The following MYZAP variants were observed in gnomAD, a reference collection of about 807,000 sequenced individuals.
MYZAP encodes the protein GRINL1A complex locus upstream.
In MYZAP, 66 loss-of-function variants were observed where a neutral mutation model predicts 69.4. That is an observed-to-expected ratio of 0.95 (90% CI 0.78 to 1.17). The LOEUF (loss-of-function observed/expected upper bound fraction) is 1.17. MYZAP is among the 50% of genes most tolerant of loss of function. The pLI is 0.00. For missense variants in MYZAP, 611 were observed against 556.2 expected (o/e 1.10, Z -0.99); for synonymous variants, 256 against 205.9 (o/e 1.24, Z -2.09).
intron 3 of MYZAP, among the ~76,000 whole-genome samples, chr15:57,618,919 C>T (rs1223275520): frequency 6.6e-6 from 1 of 152,142 alleles, no homozygotes; most frequent in East Asian, 1.9e-4. Context: ...CATTACAGAC[C>T]AGTGGCTTAG....
rs897487545 is a variant in MYZAP at position 57,647,521 on chromosome 15, G to A, written c.1119+7976G>A. ...TAAAAAAGGAAATAATTAAGAGAAT[G>A]CAATGACCTTTAGAGAAAACAGGTC... is the stretch of plus-strand genomic sequence containing the variant. On this transcript the variant is annotated intron_variant, in intron 10 of 12. Transcript: ENST00000267853. The A allele has an allele frequency of 1.0e-5, 10 of 985,342 alleles. No individual in the cohort carries two copies. The African/African-American group carries it at 1.6e-4, about 15-fold the overall frequency. 61.0% of individuals were successfully genotyped at this position (985,342 alleles called of 1,614,324 possible). A position where few individuals can be genotyped will look rare whatever the true frequency, so the allele number is the denominator to read the frequency against.
chr15:57,612,641 T>G (rs1164575418), intron 2 of MYZAP, among the ~76,000 whole-genome samples: 5 of 152,348 alleles, frequency 3.3e-5, no homozygotes, highest in Admixed American at 6.5e-5. Context: ...ACAATATCAT[T>G]GGCCTTGTTA....
chr15:57,613,415 G>T (rs2934430), intron 2 of MYZAP, among the ~76,000 whole-genome samples: 1 of 151,964 alleles, frequency 6.6e-6, no homozygotes, highest in African/African-American at 2.4e-5. Flanking sequence ...CTGTCGCCCA[G>T]GCTGGAGTAT....
At chr15:57,623,294 T>C (rs1219724554) in intron 4 of MYZAP, among the ~76,000 whole-genome samples, 1 of 152,210 alleles carries the variant, frequency 6.6e-6, no homozygotes, top group African/African-American at 2.4e-5. Flanking sequence ...ATTACAGATG[T>C]TTAGATCCTT....
intron 11 of MYZAP, among the ~76,000 whole-genome samples, chr15:57,671,369 T>C (rs1383126483): frequency 6.6e-6 from 1 of 152,188 alleles, no homozygotes; most frequent in Non-Finnish European, 1.5e-5. Flanking sequence ...TGTGTTTCTC[T>C]TTGAATTTAT....
At chr15:57,607,391 C>T (rs2034822020) in intron 2 of MYZAP, among the ~76,000 whole-genome samples, 1 of 152,118 alleles carries the variant, frequency 6.6e-6, no homozygotes, top group South Asian at 2.1e-4. Flanking sequence ...CTGGAGTCAA[C>T]AAATTGTGTG....
At chr15:57,629,336 T>C (rs2036357173) in intron 5 of MYZAP, among the ~76,000 whole-genome samples, 1 of 152,226 alleles carries the variant, frequency 6.6e-6, no homozygotes, top group South Asian at 2.1e-4. Context: ...AATGGGATTA[T>C]ACTATACTTA....
intron 2 of MYZAP, among the ~76,000 whole-genome samples, chr15:57,615,678 G>A (rs1433721865): frequency 2.6e-5 from 4 of 152,106 alleles, no homozygotes; most frequent in Non-Finnish European, 4.4e-5. Flanking sequence ...CCTCTTCCTG[G>A]TTATATGTCC....
chr15:57,599,677 G>T, intron 1 of MYZAP: 1 of 1,289,190 alleles, frequency 7.8e-7, no homozygotes, highest in Non-Finnish European at 1.0e-6. Flanking sequence ...GGAGACCATG[G>T]AGATCAGCCT....
chr15:57,597,127 G>A (rs1002187494), intron 1 of MYZAP, among the ~76,000 whole-genome samples: 3 of 152,204 alleles, frequency 2.0e-5, no homozygotes, highest in South Asian at 2.1e-4. Flanking sequence ...GGAAACGGGT[G>A]ACAAATACAT....
chr15:57,671,475 T>C (rs1011289043), intron 11 of MYZAP, among the ~76,000 whole-genome samples: 19 of 152,158 alleles, frequency 1.2e-4, no homozygotes, highest in African/African-American at 4.6e-4. Context: ...AGTAATTTTC[T>C]GCTTTAGTTT....
rs952775911 is a variant in MYZAP, at chr15:57,591,934, C to A, written c.-101C>A. 6 of 1,129,554 alleles carry A rather than the reference C, an allele frequency of 5.3e-6. No homozygotes were observed. The East Asian group carries it at 1.1e-4, about 20-fold the overall frequency. The allele number at this position is 1,129,554 out of a possible 1,614,324, so 70.0% of individuals were successfully genotyped here. A position where few individuals can be genotyped will look rare whatever the true frequency, so the allele number is the denominator to read the frequency against. On this transcript the variant is annotated 5_prime_UTR_variant, in exon 1 of 13. Coordinates refer to ENST00000267853, the MANE Select transcript of MYZAP (RefSeq NM_001018100.5). The stretch of plus-strand genomic sequence containing the variant: ...CGGTGCAGCTGAGGCTGCAAGTAGC[C>A]GGCGCCGTCCCGCGTCGCCCCCGCG...
At chr15:57,655,511 C>T (rs185300267) in intron 10 of MYZAP, among the ~76,000 whole-genome samples, 56 of 152,196 alleles carry the variant, frequency 3.7e-4, no homozygotes, top group African/African-American at 1.3e-3. Flanking sequence ...TAAAAGCTCC[C>T]TCCATGGGTT....
intron 12 of MYZAP, among the ~76,000 whole-genome samples, chr15:57,682,275 G>T (rs896628566): frequency 1.3e-5 from 2 of 152,038 alleles, no homozygotes; most frequent in African/African-American, 4.8e-5. Context: ...GATTTTTATG[G>T]GTTAAACCTG....
chr15:57,641,081 C>G (rs2037126535), intron 10 of MYZAP, among the ~76,000 whole-genome samples: 1 of 152,134 alleles, frequency 6.6e-6, no homozygotes, highest in Non-Finnish European at 1.5e-5. Context: ...TTCCCCTATG[C>G]GAGTCTCTAA....
chr15:57,634,201 C>A (rs373763653), intron 8 of MYZAP, among the ~76,000 whole-genome samples: 1 of 151,708 alleles, frequency 6.6e-6, no homozygotes, highest in African/African-American at 2.4e-5. Context: ...GGTGGGGGAA[C>A]CTGAGGAAGG....
rs781415700 is a variant in MYZAP at position 57,633,605 on chromosome 15, T to C, written c.805-8T>C. The C allele has an allele frequency of 2.8e-5, 45 of 1,611,068 alleles. No individual in the cohort carries two copies. In the East Asian group the frequency reaches 6.3e-4, roughly 22 times the overall value. ...GCCTGTACTTAGGAGGGTATATTTC[T>C]TTTGCAGGAAGAAACCAATAGTTTT... On this transcript the variant is annotated splice_region_variant and splice_polypyrimidine_tract_variant and intron_variant, in intron 7 of 12. Transcript: ENST00000267853.
In MYZAP at chr15:57,637,716, C is replaced by T. The variant is rs1481221790; in HGVS notation, c.955C>T (p.Gln319Ter). The change falls in exon 9 of 13, where the codon CAA becomes TAA. Residue 319 changes from glutamine (Q) to a stop codon, truncating the protein, a stop_gained. Transcript: ENST00000267853. LOFTEE classifies it high-confidence loss of function. ...TTAGGAACGTCATCAACTGCAACTT[C>T]AACTCCTAGAACATGAAACAGAAAT... ...MEKERHQLQL[Q>*]LLEHETEMSG... 1.2e-6 allele frequency: 2 copies of T among 1,613,080 alleles called. No individual in the cohort carries two copies. The highest frequency in any genetic ancestry group is 2.2e-5 in the South Asian group (2 of 90,742).
intron 1 of MYZAP, among the ~76,000 whole-genome samples, chr15:57,600,565 A>G (rs1472487991): frequency 2.0e-5 from 3 of 152,200 alleles, no homozygotes; most frequent in African/African-American, 7.2e-5. Context: ...GGGAGGGACC[A>G]TCTAACTTTT....
Sources: gnomAD v4.1 joint callset for allele counts (sites outside exome capture counted in the v4.1 genomes callset) on GRCh38, gnomAD v4.1.1 for gene constraint, MANE v1.5 for transcripts, NCBI Gene and HGNC (gene_info 2026-07-23, HGNC 2026-07-21) for gene names.